RTBDN: variants seen among roughly 807,000 people sequenced by gnomAD.
The protein encoded by RTBDN is retbindin.
A neutral mutation model predicts 21.9 loss-of-function variants in RTBDN; 24 were observed. That is an observed-to-expected ratio of 1.10 (90% CI 0.79 to 1.54). The LOEUF (loss-of-function observed/expected upper bound fraction) is 1.54, where lower values mean the gene tolerates loss of function less well. Ranked by LOEUF, RTBDN falls within the 40% of genes most tolerant of loss-of-function variation. RTBDN has a pLI of 0.00. For synonymous variants in RTBDN, 141 were observed against 125.9 expected (o/e 1.12, Z -0.80); for missense variants, 325 against 315.2 (o/e 1.03, Z -0.23).
chr19:12,828,642 C>G lies in RTBDN; in HGVS notation c.365+15G>C. The G allele has an allele frequency of 6.3e-7, 1 of 1,598,616 alleles. No homozygotes were observed. The highest frequency in any genetic ancestry group is 8.6e-7 in the Non-Finnish European group (1 of 1,169,536). ...CCAAGTCACAACCCACGCCCCTTGC[C>G]CCCGCGTCTCCTACCAGGCCTGGCA... is the stretch of plus-strand genomic sequence containing the variant. On this transcript the variant is annotated intron_variant, in intron 4 of 5. Transcript: ENST00000674343.
rs186653712 is a variant in RTBDN, at chr19:12,826,285, C to G, written c.463-352G>C. ...TCTTGGGAAGGGCAAATCTGGACTT[C>G]GAGAGCTTTTGGGGTCAAAGGGCAC... On this transcript the variant is annotated intron_variant, in intron 5 of 5. Transcript: ENST00000674343. 1.4e-5 allele frequency: 17 copies of G among 1,221,326 alleles called. No homozygotes were observed. The African/African-American group carries it at 2.2e-4, about 16-fold the overall frequency. The allele number at this position is 1,221,326 out of a possible 1,614,324, so 75.7% of individuals were successfully genotyped here. A position where few individuals can be genotyped will look rare whatever the true frequency, so the allele number is the denominator to read the frequency against.
upstream of RTBDN, chr19:12,834,630 G>C: frequency 1.3e-6 from 2 of 1,512,094 alleles, no homozygotes; most frequent in Non-Finnish European, 1.8e-6. The surrounding 1 kb of genome is among the most constrained non-coding windows in gnomAD (Gnocchi z 4.7). Context: ...GTGGGTGGGC[G>C]GGAGCGATTT....
At position 12,831,054 on chromosome 19, in the gene RTBDN, G is replaced by A. The variant is rs1969555810; in HGVS notation, c.-18-1057C>T. On this transcript the variant is annotated intron_variant, in intron 1 of 5. Coordinates refer to ENST00000674343, the MANE Select transcript of RTBDN (RefSeq NM_001270441.2). ...TGTGTGTGTGTGTGTGTGTGTGTGT[G>A]TGTATACGTTCAGAATCTGGGGGAG... is the stretch of plus-strand genomic sequence containing the variant. Among the ~76,000 whole-genome samples, 4 of 146,714 alleles carry A rather than the reference G, an allele frequency of 2.7e-5. No homozygotes were observed. The South Asian group carries it at 8.4e-4, about 31-fold the overall frequency.
intron 1 of RTBDN, among the ~76,000 whole-genome samples, chr19:12,833,749 G>T (rs1484529735): frequency 2.0e-5 from 1 of 49,226 alleles, no homozygotes; most frequent in African/African-American, 8.4e-5. Context: ...CCGCCAGCGC[G>T]GGCAGCGGTG....
rs140282871 is a variant in RTBDN at position 12,828,763 on chromosome 19, C to T, written c.259G>A (p.Glu87Lys). The T allele has an allele frequency of 4.0e-4, 648 of 1,614,140 alleles. 2 individuals are homozygous for T. The highest frequency in any genetic ancestry group is 1.6e-4 in the Middle Eastern group (1 of 6,062). Residue 87 changes from glutamate to lysine, a missense_variant, in exon 4 of 6, where the codon GAA (glutamate) becomes AAA (lysine). Transcript: ENST00000674343. ...CGTTGGAGGTGTTCCAGGAAGGATT[C>T]GCATCTGGACGTTGGGAGAGATAGG... is the stretch of plus-strand genomic sequence containing the variant. ...ERCGVPSPEC[E>K]SFLEHLQRAL...
intron 3 of RTBDN, 41 bp downstream of exon 3, chr19:12,828,828 G>A: frequency 1.2e-6 from 2 of 1,614,042 alleles, no homozygotes; most frequent in Non-Finnish European, 1.7e-6. Context: ...CTGGGCAATG[G>A]GCAAAGTACG....
At chr19:12,828,299 G>A (rs1969401983) in intron 4 of RTBDN, among the ~76,000 whole-genome samples, 1 of 151,938 alleles carries the variant, frequency 6.6e-6, no homozygotes, top group African/African-American at 2.4e-5. Context: ...AGGAGGGTGA[G>A]GCAGGAGAAT....
At position 12,830,040 on chromosome 19, in the gene RTBDN, C is replaced by T. The variant is rs374786325; in HGVS notation, c.-18-43G>A. 1.9e-6 allele frequency: 3 copies of T among 1,573,086 alleles called. No homozygotes were observed. Among genetic ancestry groups the T allele is most frequent in the Non-Finnish European group, 2.6e-6 (3 of 1,151,654 alleles). On this transcript the variant is annotated intron_variant, in intron 1 of 5. Coordinates refer to ENST00000674343, the MANE Select transcript of RTBDN (RefSeq NM_001270441.2). This position sits in a 1 kb window ranked among gnomAD's most constrained non-coding sequence, Gnocchi z 4.2. ...GGGTTCAGCCATCCCTTTCTGTGAG[C>T]TTAGGGTGGCACCCACCCAGTGCAT...
Position 12,830,357 on chromosome 19 carries a change from T to C in RTBDN, c.-18-360A>G. 1 of 1,013,148 alleles carries C rather than the reference T, an allele frequency of 9.9e-7. No homozygotes were observed. The highest frequency in any genetic ancestry group is 1.2e-6 in the Non-Finnish European group (1 of 848,128). 62.8% of individuals were successfully genotyped at this position (1,013,148 alleles called of 1,614,324 possible). A position where few individuals can be genotyped will look rare whatever the true frequency, so the allele number is the denominator to read the frequency against. On this transcript the variant is annotated intron_variant, in intron 1 of 5. Transcript: ENST00000674343. The surrounding 1 kb of genome is among the most constrained non-coding windows in gnomAD (Gnocchi z 4.2). ...CCTAGGTCTTCCAATCCCCCTCTCC[T>C]GTTCAGTAATTCCTCCCTCTCTTCT...
chr19:12,827,265 C>T (rs1969346157), intron 4 of RTBDN, among the ~76,000 whole-genome samples: 1 of 151,832 alleles, frequency 6.6e-6, no homozygotes, highest in Admixed American at 6.6e-5. Context: ...GCAATCCTTC[C>T]ACCTCAGTGT....
intron 1 of RTBDN, among the ~76,000 whole-genome samples, chr19:12,833,347 T>C (rs1969644680): frequency 6.6e-6 from 1 of 151,990 alleles, no homozygotes; most frequent in African/African-American, 2.4e-5. Context: ...ATTGGGGGTA[T>C]CCTTTACACG....
chr19:12,825,658 G>A lies in RTBDN; in HGVS notation c.*48C>T. 1 of 1,531,622 alleles carries A rather than the reference G, an allele frequency of 6.5e-7. No homozygotes were observed. The allele number at this position is 1,531,622 out of a possible 1,614,324, so 94.9% of individuals were successfully genotyped here. On this transcript the variant is annotated 3_prime_UTR_variant, in exon 6 of 6. Coordinates refer to ENST00000674343, the MANE Select transcript of RTBDN (RefSeq NM_001270441.2). ...GGTGGGGTTCTGGGTGTCCTGAGGG[G>A]CGGGGCTGGGGGAAGGGTCGCTCCC... is the stretch of plus-strand genomic sequence containing the variant.
chr19:12,826,918 T>A, intron 4 of RTBDN, 47 bp from the exon 5 acceptor site: 1 of 1,322,652 alleles, frequency 7.6e-7, no homozygotes, highest in Non-Finnish European at 1.1e-6. Context: ...GTAGTTACAT[T>A]CCAGCGCGAT....
Position 12,829,847 on chromosome 19 carries a change from C to T in RTBDN, c.133G>A (p.Ala45Thr). 1.7e-5 allele frequency: 28 copies of T among 1,613,848 alleles called. No individual in the cohort carries two copies. Among genetic ancestry groups the T allele is most frequent in the Non-Finnish European group, 2.4e-5 (28 of 1,179,750 alleles). ...QARSQQHHGLAADLGKGKLHL... is the reference protein window; with the variant it reads ...QARSQQHHGLTADLGKGKLHL... ...AGCTTGCCTTTGCCCAGATCAGCTGCCAGCCCATGGTGTTGCTGGGACCTG... is the reference window on the plus strand; with the variant it reads ...AGCTTGCCTTTGCCCAGATCAGCTGTCAGCCCATGGTGTTGCTGGGACCTG... The change falls in exon 2 of 6, where the codon GCA (alanine) becomes ACA (threonine). Residue 45 changes from alanine (A) to threonine (T), a missense_variant. Ala to Thr is a moderately conservative substitution (Grantham distance 58). Coordinates refer to ENST00000674343, the MANE Select transcript of RTBDN (RefSeq NM_001270441.2).
At chr19:12,832,621 G>C (rs1969617567) in intron 1 of RTBDN, 1 of 152,232 alleles carries the variant, frequency 6.6e-6, no homozygotes, top group Non-Finnish European at 1.5e-5. Flanking sequence ...CGTGAGATAG[G>C]TCGCCAGGGG....
rs1035635429 is a variant in RTBDN at position 12,830,209 on chromosome 19, T to A, written c.-18-212A>T. Reference sequence around the variant, plus strand: ...CCCCTCCCATCAGAACCATGTCCTCTATGTCCCTTCAGTGCCACCCCAACC... The same window carrying A: ...CCCCTCCCATCAGAACCATGTCCTCAATGTCCCTTCAGTGCCACCCCAACC... On this transcript the variant is annotated intron_variant, in intron 1 of 5. Transcript: ENST00000674343. The surrounding 1 kb of genome is among the most constrained non-coding windows in gnomAD (Gnocchi z 4.2). 2.3e-6 allele frequency: 3 copies of A among 1,325,572 alleles called. No individual in the cohort carries two copies. In the African/African-American group the frequency reaches 4.4e-5, roughly 20 times the overall value. The allele number at this position is 1,325,572 out of a possible 1,614,324, so 82.1% of individuals were successfully genotyped here. A position where few individuals can be genotyped will look rare whatever the true frequency, so the allele number is the denominator to read the frequency against.
At position 12,834,393 on chromosome 19, in the gene RTBDN, C is replaced by T. The variant is rs762435256; in HGVS notation, c.-19+96G>A. 3.2e-4 allele frequency: 304 copies of T among 957,450 alleles called. No individual in the cohort carries two copies. Among genetic ancestry groups the T allele is most frequent in the Non-Finnish European group, 4.7e-4 (297 of 632,466 alleles). The allele number at this position is 957,450 out of a possible 1,614,324, so 59.3% of individuals were successfully genotyped here. ...TCATGCCCCTCGGGGCCATCGGCGC[C>T]GCTGGAGGCGTAAACATGTTTGTGC... On this transcript the variant is annotated intron_variant, in intron 1 of 5. Transcript: ENST00000674343. This position sits in a 1 kb window ranked among gnomAD's most constrained non-coding sequence, Gnocchi z 4.7.
intron 4 of RTBDN, among the ~76,000 whole-genome samples, chr19:12,827,076 G>A (rs1188894406): frequency 2.0e-5 from 3 of 152,052 alleles, no homozygotes; most frequent in East Asian, 3.8e-4. Flanking sequence ...TCTGGGCCAC[G>A]TCACAACTGG....
At chr19:12,834,760 A>G (rs757649083), upstream of RTBDN, 12 of 1,612,758 alleles carry the variant, frequency 7.4e-6, no homozygotes, top group East Asian at 2.7e-4. The surrounding 1 kb of genome is among the most constrained non-coding windows in gnomAD (Gnocchi z 4.7). Flanking sequence ...AGGCGGGGAC[A>G]AACTCAGGTG....
Sources: allele counts gnomAD v4.1 joint callset (sites outside exome capture counted in the v4.1 genomes callset), GRCh38; gene constraint gnomAD v4.1.1; non-coding constraint Gnocchi (gnomAD v3.1); transcripts MANE v1.5; gene names NCBI Gene and HGNC (gene_info 2026-07-23, HGNC 2026-07-21).